CYP2B6: variants seen among roughly 807,000 people sequenced by gnomAD.
The protein encoded by CYP2B6 is cytochrome P450 family 2 subfamily B member 6.
CYP2B6 carries 35 observed loss-of-function variants against 43.4 expected under a neutral mutation model. The observed-to-expected ratio is 0.81, with a 90% CI of 0.62 to 1.07. The LOEUF (loss-of-function observed/expected upper bound fraction) is 1.07. CYP2B6 is among the 50% of genes least tolerant of loss of function. The pLI, the probability that CYP2B6 is intolerant of heterozygous loss-of-function variation, is 0.00. For synonymous variants in CYP2B6, 239 were observed against 239.2 expected (o/e 1.00, Z 0.01); for missense variants, 624 against 632.8 (o/e 0.99, Z 0.15).
intron 6 of CYP2B6, 85 bp downstream of exon 6, chr19:41,010,220 A>G: frequency 5.2e-6 from 8 of 1,535,386 alleles, no homozygotes; most frequent in Non-Finnish European, 7.2e-6. Flanking sequence ...CCTGGATGAG[A>G]GAGGGGATGC....
chr19:41,016,528 A>G, intron 8 of CYP2B6, 118 bp from the exon 9 acceptor site: 1 of 1,059,140 alleles, frequency 9.4e-7, no homozygotes, highest in East Asian at 2.6e-5. Flanking sequence ...TTGTAGGTTA[A>G]AGGCCAGTCT....
chr19:41,006,503 G>T (rs1969189439), intron 3 of CYP2B6, among the ~76,000 whole-genome samples: 1 of 151,812 alleles, frequency 6.6e-6, no homozygotes, highest in South Asian at 2.1e-4. Flanking sequence ...ACTCTGCCCA[G>T]CCCCTATCCC....
chr19:40,992,178 G>A (rs1452513481), intron 1 of CYP2B6, among the ~76,000 whole-genome samples: 1 of 140,668 alleles, frequency 7.1e-6, no homozygotes. Context: ...CTCCATCCTG[G>A]GTGACAGAGT....
At chr19:41,001,750 T>C (rs987312355) in intron 1 of CYP2B6, among the ~76,000 whole-genome samples, 1 of 152,170 alleles carries the variant, frequency 6.6e-6, no homozygotes, top group African/African-American at 2.4e-5. Context: ...GAATTGATGA[T>C]GTGGCATCTT....
intron 1 of CYP2B6, among the ~76,000 whole-genome samples, chr19:40,998,584 C>G (rs573364381): frequency 4.9e-4 from 62 of 127,772 alleles, no homozygotes; most frequent in South Asian, 2.5e-3. Context: ...TCCCCCCACC[C>G]CACAACAGTC....
intron 3 of CYP2B6, among the ~76,000 whole-genome samples, chr19:41,005,796 T>C (rs1188038161): frequency 6.6e-6 from 1 of 150,626 alleles, no homozygotes; most frequent in Non-Finnish European, 1.5e-5. Flanking sequence ...ATAATAATAA[T>C]AATAATAAAA....
At chr19:40,997,745 A>G (rs1465935910) in intron 1 of CYP2B6, among the ~76,000 whole-genome samples, 1 of 152,082 alleles carries the variant, frequency 6.6e-6, no homozygotes, top group Admixed American at 6.6e-5. Context: ...GGGGAATGAC[A>G]TGGAGGGAGC....
chr19:41,015,427 C>A (rs1167985996), intron 8 of CYP2B6, among the ~76,000 whole-genome samples: 1 of 152,174 alleles, frequency 6.6e-6, no homozygotes, highest in East Asian at 1.9e-4. Flanking sequence ...CACACTTGTC[C>A]AACAACTTGA....
Position 41,017,521 on chromosome 19 carries a change from G to A in CYP2B6, c.*694G>A, listed in dbSNP as rs1216097094. 1 of 151,960 alleles carries A rather than the reference G, an allele frequency of 6.6e-6. No homozygotes were observed. The highest frequency in any genetic ancestry group is 2.4e-5 in the African/African-American group (1 of 41,356). The allele number at this position is 151,960 out of a possible 1,614,324, so 9.4% of individuals were successfully genotyped here. ...GTCTCACTCTGTCACCCAGGTTCGA[G>A]TTCAGTGGTGCCATCTCTGTCCACT... On this transcript the variant is annotated 3_prime_UTR_variant, in exon 9 of 9. Coordinates refer to ENST00000324071, the MANE Select transcript of CYP2B6 (RefSeq NM_000767.5).
chr19:40,995,411 A>G (rs1968985825), intron 1 of CYP2B6, among the ~76,000 whole-genome samples: 1 of 152,156 alleles, frequency 6.6e-6, no homozygotes, highest in Admixed American at 6.5e-5. Flanking sequence ...AATGGAGTAC[A>G]AGGAACAGTC....
At chr19:40,999,942 C>T (rs1396320558) in intron 1 of CYP2B6, among the ~76,000 whole-genome samples, 1 of 152,136 alleles carries the variant, frequency 6.6e-6, no homozygotes, top group Non-Finnish European at 1.5e-5. Context: ...AATCCTCCTG[C>T]CTCAACCTCC....
chr19:41,001,737 T>C (rs1969092107), intron 1 of CYP2B6, among the ~76,000 whole-genome samples: 1 of 152,114 alleles, frequency 6.6e-6, no homozygotes, highest in Non-Finnish European at 1.5e-5. Context: ...GGAAATAGTC[T>C]AGGAATTGAT....
At position 41,007,276 on chromosome 19, in the gene CYP2B6, G is replaced by A; in HGVS notation, c.645+211G>A. ...CTGAGAGAGAGAATGAGGCGTGATG[G>A]GGAGGCAGAAATAGAGTCAGAGAGA... On this transcript the variant is annotated intron_variant, in intron 4 of 8. Coordinates refer to ENST00000324071, the MANE Select transcript of CYP2B6 (RefSeq NM_000767.5). The A allele has an allele frequency of 5.2e-6, 3 of 580,838 alleles. No individual in the cohort carries two copies. In the South Asian group the frequency reaches 6.2e-5, roughly 12 times the overall value. The allele number at this position is 580,838 out of a possible 1,614,324, so 36.0% of individuals were successfully genotyped here. A position where few individuals can be genotyped will look rare whatever the true frequency, so the allele number is the denominator to read the frequency against.
Position 41,013,548 on chromosome 19 carries a change from C to T in CYP2B6, c.1294+733C>T, listed in dbSNP as rs1254729898. ...AAACGTGATATGGCACCATTGAGAA[C>T]CTATAGGAAGTCCAGTGAGCCTTGG... On this transcript the variant is annotated intron_variant, in intron 8 of 8. Coordinates refer to ENST00000324071, the MANE Select transcript of CYP2B6 (RefSeq NM_000767.5). Among the ~76,000 whole-genome samples, 21 of 152,214 alleles carry T rather than the reference C, an allele frequency of 1.4e-4. No individual in the cohort carries two copies. The East Asian group carries it at 3.5e-3, about 25-fold the overall frequency.
At chr19:40,994,247 T>C (rs1266069807) in intron 1 of CYP2B6, among the ~76,000 whole-genome samples, 2 of 152,144 alleles carry the variant, frequency 1.3e-5, no homozygotes, top group Admixed American at 6.5e-5. Context: ...AGCAGTGAGC[T>C]AGGCCAAATA....
rs775262892 is a variant in CYP2B6 at position 41,004,109 on chromosome 19, G to T, written c.280G>T (p.Ala94Ser). Residue 94 changes from alanine (A) to serine (S), a missense_variant, in exon 2 of 9, where the codon GCC (alanine) becomes TCC (serine). By Grantham distance (99) the Ala-to-Ser change is moderately conservative. Transcript: ENST00000324071. ...IREALVDKAE[A>S]FSGRGKIAMV... is the part of the protein sequence containing the mutation. ...GGAGGCCCTTGTGGACAAGGCTGAG[G>T]CCTTCTCTGGCCGGGGAAAAATCGC... 6.2e-7 allele frequency: 1 copy of T among 1,609,000 alleles called. No individual in the cohort carries two copies. The highest frequency in any genetic ancestry group is 1.7e-5 in the Admixed American group (1 of 58,794).
intron 1 of CYP2B6, among the ~76,000 whole-genome samples, chr19:41,003,287 C>CT (rs564106878): frequency 2.0e-5 from 3 of 151,306 alleles, no homozygotes; most frequent in African/African-American, 4.9e-5. Flanking sequence ...TATGCATACT[C>CT]TTTTTTTTTC....
At chr19:41,005,918 A>G (rs1239337264) in intron 3 of CYP2B6, among the ~76,000 whole-genome samples, 3 of 151,704 alleles carry the variant, frequency 2.0e-5, no homozygotes, top group Non-Finnish European at 2.9e-5. Flanking sequence ...AAGCTTAGGA[A>G]AAGGTCTGCA....
At position 41,012,345 on chromosome 19, in the gene CYP2B6, C is replaced by A. The variant is rs1192347853; in HGVS notation, c.1012C>A (p.Pro338Thr). Residue 338 changes from proline to threonine, a missense_variant, in exon 7 of 9, where the codon CCA (proline) becomes ACA (threonine). Transcript: ENST00000324071. ...IEQVIGPHRPPELHDRAKMPY... is the reference protein window; with the variant it reads ...IEQVIGPHRPTELHDRAKMPY... ...ACAGGTGATTGGCCCACATCGCCCT[C>A]CAGAGCTTCATGACCGAGCCAAAAT... 2 of 1,614,052 alleles carry A rather than the reference C, an allele frequency of 1.2e-6. No homozygotes were observed. The highest frequency in any genetic ancestry group is 4.5e-5 in the East Asian group (2 of 44,884).
Sources: allele counts gnomAD v4.1 joint callset (sites outside exome capture counted in the v4.1 genomes callset), GRCh38; gene constraint gnomAD v4.1.1; transcripts MANE v1.5; gene names NCBI Gene and HGNC (gene_info 2026-07-23, HGNC 2026-07-21).